The following LRGUK variants were observed in gnomAD, a reference collection of about 807,000 sequenced individuals.
LRGUK encodes leucine-rich repeat and guanylate kinase domain-containing protein.
In LRGUK, 65 loss-of-function variants were observed where a neutral mutation model predicts 76.0. That is an observed-to-expected ratio of 0.85 (90% CI 0.70 to 1.05). The LOEUF is 1.05. Ranked by LOEUF, LRGUK falls within the 50% of genes least tolerant of loss-of-function variation. The pLI, the probability that LRGUK is intolerant of heterozygous loss-of-function variation, is 0.00. For missense variants in LRGUK, 758 were observed against 732.8 expected (o/e 1.03, Z -0.40); for synonymous variants, 268 against 265.6 (o/e 1.01, Z -0.09).
At chr7:134,205,575 T>TA (rs1800970503) in intron 15 of LRGUK, among the ~76,000 whole-genome samples, 1 of 152,184 alleles carries the variant, frequency 6.6e-6, no homozygotes, top group African/African-American at 2.4e-5. Flanking sequence ...ATGAATTTTT[T>TA]AAAAAATAAT....
chr7:134,162,826 CAAAAAAAAAAA>C (rs11445116), intron 6 of LRGUK, among the ~76,000 whole-genome samples: 736 of 61,202 alleles, frequency 0.012, 14 homozygotes, highest in Middle Eastern at 0.045. Flanking sequence ...GACTCCTTCT[CAAAAAAAAAAA>C]AAAAAAAAAA....
At chr7:134,130,295 C>A (rs11978174) in intron 1 of LRGUK, among the ~76,000 whole-genome samples, 13 of 151,974 alleles carry the variant, frequency 8.6e-5, no homozygotes, top group Admixed American at 1.3e-4. Context: ...CTTCCCCCCC[C>A]CCCCAGAGGA....
chr7:134,210,348 G>A (rs974618957), downstream of LRGUK: 18 of 398,032 alleles, frequency 4.5e-5, no homozygotes, highest in Middle Eastern at 6.2e-4. Flanking sequence ...GCCCCACGCC[G>A]AGCCATCACC....
At chr7:134,268,266 A>G (rs899538039), downstream of LRGUK, among the ~76,000 whole-genome samples, 1 of 152,186 alleles carries the variant, frequency 6.6e-6, no homozygotes, top group Admixed American at 6.5e-5. Flanking sequence ...CAAATTACCA[A>G]TAGTATAAAT....
chr7:134,150,447 C>G (rs1490602881), intron 5 of LRGUK, among the ~76,000 whole-genome samples: 2 of 142,936 alleles, frequency 1.4e-5, no homozygotes, highest in Admixed American at 7.3e-5. Context: ...GGCGACAGAG[C>G]GAGACTTCGT....
intron 11 of LRGUK, among the ~76,000 whole-genome samples, chr7:134,190,221 T>C (rs1013694385): frequency 6.6e-6 from 1 of 152,216 alleles, no homozygotes; most frequent in African/African-American, 2.4e-5. Flanking sequence ...ATTATTTATT[T>C]ATTGAAACAG....
chr7:134,231,097 G>C (rs1233361145), intron 16 of LRGUK, among the ~76,000 whole-genome samples: 1 of 152,152 alleles, frequency 6.6e-6, no homozygotes, highest in African/African-American at 2.4e-5. Flanking sequence ...GTAAGGTGAG[G>C]ATCCAAGGGT....
At chr7:134,177,362 A>C (rs372657852) in intron 9 of LRGUK, among the ~76,000 whole-genome samples, 18 of 152,342 alleles carry the variant, frequency 1.2e-4, no homozygotes, top group African/African-American at 3.8e-4. Context: ...ATGGCAGACT[A>C]TCAGTTTGAA....
chr7:134,158,128 TA>T lies in LRGUK; in HGVS notation c.767del (p.Asn256ThrfsTer10), dbSNP rs769244189. On this transcript the variant is annotated frameshift_variant, in exon 6 of 16. Transcript: ENST00000645682. LOFTEE classifies it high-confidence loss of function. ...AATAAGATCACGACAATTAATGGCT[TA>T]AACAAGTTACCAATCAAAATACTTT... 6.2e-7 allele frequency: 1 copy of T among 1,612,870 alleles called. No homozygotes were observed. Among genetic ancestry groups the T allele is most frequent in the Non-Finnish European group, 8.5e-7 (1 of 1,179,306 alleles).
intron 1 of LRGUK, among the ~76,000 whole-genome samples, chr7:134,133,131 A>G (rs1797381790): frequency 6.6e-6 from 1 of 151,946 alleles, no homozygotes; most frequent in Admixed American, 6.6e-5. Context: ...CATTCATTCA[A>G]CCCATGTTTG....
chr7:134,183,139 C>T (rs1387033255), intron 10 of LRGUK, among the ~76,000 whole-genome samples: 2 of 152,234 alleles, frequency 1.3e-5, no homozygotes, highest in Non-Finnish European at 2.9e-5. Context: ...TCAGCTCTCC[C>T]TTATTAACTA....
intron 13 of LRGUK, among the ~76,000 whole-genome samples, chr7:134,197,997 C>T (rs1344669564): frequency 2.0e-5 from 3 of 152,126 alleles, no homozygotes; most frequent in South Asian, 2.1e-4. Context: ...CATAATCCTT[C>T]GATGTCAACT....
At chr7:134,157,462 A>G (rs1190348797) in intron 5 of LRGUK, among the ~76,000 whole-genome samples, 1 of 152,222 alleles carries the variant, frequency 6.6e-6, no homozygotes, top group Non-Finnish European at 1.5e-5. Flanking sequence ...GGCAGCTATG[A>G]GCCACGGTGA....
chr7:134,129,096 CCCTT>C (rs1488913539), intron 1 of LRGUK, among the ~76,000 whole-genome samples: 70 of 149,164 alleles, frequency 4.7e-4, no homozygotes, highest in African/African-American at 1.6e-3. Context: ...CTTCCTTCCT[CCCTT>C]CCTTCCTGCC....
In LRGUK at chr7:134,221,765, TTTTTTCC is replaced by T; in HGVS notation, c.1844-12_1844-6del. On this transcript the variant is annotated splice_polypyrimidine_tract_variant and splice_region_variant and intron_variant, in intron 15 of 19. Transcript: ENST00000285928. ...ATGACTTTTATTTTAAACTTTATTT[TTTTTTCC>T]TACCAGATGTTAAGACATCCCACCT... The T allele has an allele frequency of 4.1e-6, 6 of 1,469,672 alleles. No homozygotes were observed. Among genetic ancestry groups the T allele is most frequent in the Non-Finnish European group, 5.4e-6 (6 of 1,114,042 alleles). 91.0% of individuals were successfully genotyped at this position (1,469,672 alleles called of 1,614,324 possible). A position where few individuals can be genotyped will look rare whatever the true frequency, so the allele number is the denominator to read the frequency against.
intron 15 of LRGUK, among the ~76,000 whole-genome samples, chr7:134,203,585 A>C (rs866383356): frequency 6.6e-6 from 1 of 152,176 alleles, no homozygotes; most frequent in African/African-American, 2.4e-5. Flanking sequence ...TTCCTTCTCC[A>C]TATGTCTTAT....
At chr7:134,158,529 T>A (rs879798928) in intron 6 of LRGUK, among the ~76,000 whole-genome samples, 38 of 152,218 alleles carry the variant, frequency 2.5e-4, no homozygotes, top group Non-Finnish European at 4.7e-4. Flanking sequence ...AAGCATAATA[T>A]TTATTGCTGT....
chr7:134,177,135 G>A (rs1799518380), intron 9 of LRGUK, 72 bp downstream of exon 9: 3 of 832,950 alleles, frequency 3.6e-6, no homozygotes, highest in Middle Eastern at 3.1e-4. Context: ...GTTGCCTGCT[G>A]TGGAAGCAAT....
chr7:134,199,982 TTATATATATATATATATATATATATA>T (rs71172442), intron 14 of LRGUK, among the ~76,000 whole-genome samples: 43 of 38,416 alleles, frequency 1.1e-3, no homozygotes, highest in Admixed American at 9.1e-3. Context: ...CTAGAAACTT[TTATATATATATATATATATATATATA>T]TATATATATA....
Sources: gnomAD v4.1 joint callset for allele counts (sites outside exome capture counted in the v4.1 genomes callset) on GRCh38, gnomAD v4.1.1 for gene constraint, MANE v1.5 for transcripts, NCBI Gene and HGNC (gene_info 2026-07-23, HGNC 2026-07-21) for gene names.